KCNAB2: variants seen among roughly 807,000 people sequenced by gnomAD.
KCNAB2 encodes potassium voltage-gated channel subfamily A regulatory beta subunit 2, also known as voltage-gated potassium channel subunit beta-2.
Under a neutral mutation model 63.6 loss-of-function variants are expected in KCNAB2, and 29 were observed. The ratio of observed to expected loss-of-function variants is 0.46; its 90% CI spans 0.34 to 0.62. KCNAB2 has a LOEUF of 0.62. Ranked by LOEUF, KCNAB2 falls within the 20% of genes least tolerant of loss-of-function variation. KCNAB2 has a pLI of 0.01. For synonymous variants in KCNAB2, 222 were observed against 224.2 expected, an observed-to-expected ratio of 0.99 and a Z score of 0.09; for missense variants, 359 against 563.9, an observed-to-expected ratio of 0.64 and a Z score of 3.68.
intron 2 of KCNAB2, among the ~76,000 whole-genome samples, chr1:6,057,481 G>A (rs1222769193): frequency 2.2e-5 from 2 of 89,296 alleles, no homozygotes; most frequent in East Asian, 9.2e-4. Context: ...GCAGAGACCA[G>A]GGGGGATGGC....
At chr1:6,094,562 T>G in intron 11 of KCNAB2, 77 bp downstream of exon 11, 26 of 1,231,272 alleles carry the variant, frequency 2.1e-5, no homozygotes, top group Non-Finnish European at 2.9e-5. Context: ...CCCAAAGCTC[T>G]GGCGGGGTCT....
chr1:6,031,508 T>G (rs1391855668), upstream of KCNAB2, among the ~76,000 whole-genome samples: 1 of 152,238 alleles, frequency 6.6e-6, no homozygotes, highest in African/African-American at 2.4e-5. The surrounding 1 kb of genome is among the most constrained non-coding windows in gnomAD (Gnocchi z 4.1). Context: ...CCGGGAGTTT[T>G]GCTCCATTTA....
intron 2 of KCNAB2, among the ~76,000 whole-genome samples, chr1:6,063,537 G>A (rs1376904290): frequency 6.6e-6 from 1 of 151,726 alleles, no homozygotes; most frequent in African/African-American, 2.4e-5. Flanking sequence ...AGCCTCCCGA[G>A]TAGCTGGCAT....
In KCNAB2 at chr1:6,026,830, G is replaced by T. The variant is rs116172164; in HGVS notation, c.-52-13687G>T. 3.6e-3 allele frequency among the ~76,000 whole-genome samples: 554 copies of T among 152,260 alleles called. 4 individuals are homozygous for T. The highest frequency in any genetic ancestry group is 0.013 in the African/African-American group (526 of 41,552). The stretch of plus-strand genomic sequence containing the variant: ...GGCCACCTCTGTCCCTCTGCAGGGG[G>T]CAGGGCTGGCAGCTCCTGGGGAGAG... On this transcript the variant is annotated intron_variant, in intron 1 of 16. Coordinates refer to the KCNAB2 transcript ENST00000341524.
intron 1 of KCNAB2, among the ~76,000 whole-genome samples, chr1:6,022,027 A>G (rs1402531522): frequency 6.6e-6 from 1 of 151,964 alleles, no homozygotes; most frequent in Non-Finnish European, 1.5e-5. Context: ...TGTACAGTTC[A>G]GTGGTATTGA....
intron 2 of KCNAB2, among the ~76,000 whole-genome samples, chr1:6,063,187 TTTTTTA>T (rs1484965088): frequency 7.3e-5 from 11 of 151,572 alleles, no homozygotes; most frequent in African/African-American, 2.4e-5. Flanking sequence ...ACCTGGCTAA[TTTTTTA>T]TTTTTATTTT....
At position 6,071,698 on chromosome 1, in the gene KCNAB2, T is replaced by C. The variant is rs959303413; in HGVS notation, c.219-1057T>C. On this transcript the variant is annotated intron_variant, in intron 2 of 15. Transcript: ENST00000378083. The surrounding 1 kb of genome is among the most constrained non-coding windows in gnomAD (Gnocchi z 8.5). ...GTAGGGCTCTGCTGCGTAGGACTCC[T>C]GCCGCCGCATAGGGCTCTGCTGCGT... is the stretch of plus-strand genomic sequence containing the variant. 1.8e-4 allele frequency among the ~76,000 whole-genome samples: 27 copies of C among 151,692 alleles called. No homozygotes were observed. The highest frequency in any genetic ancestry group is 3.2e-4 in the Non-Finnish European group (22 of 67,836).
chr1:6,064,244 G>T (rs1472977592), intron 2 of KCNAB2, among the ~76,000 whole-genome samples: 1 of 152,216 alleles, frequency 6.6e-6, no homozygotes. Flanking sequence ...GATTCCGTAG[G>T]TCAGGGGGAT....
upstream of KCNAB2, chr1:6,041,975 A>G: frequency 3.8e-6 from 4 of 1,040,238 alleles, no homozygotes; most frequent in Admixed American, 3.5e-5. Context: ...GTATTCTCTG[A>G]AGCCAAAGCC....
rs574731256 is a variant in KCNAB2 at position 6,016,744 on chromosome 1, C to G, written c.-52-23773C>G. The stretch of plus-strand genomic sequence containing the variant: ...GGAGCATGGACACTAATACGTCCCA[C>G]TGGACTTCTGCGTGGGCCCCAGACA... On this transcript the variant is annotated intron_variant, in intron 1 of 16. Transcript: ENST00000341524. Among the ~76,000 whole-genome samples, 102 of 152,334 alleles carry G rather than the reference C, an allele frequency of 6.7e-4. 2 individuals carry two copies. In the South Asian group the frequency reaches 8.1e-3, roughly 12 times the overall value.
intron 1 of KCNAB2, among the ~76,000 whole-genome samples, chr1:6,007,877 C>T (rs1177505425): frequency 6.6e-6 from 1 of 152,230 alleles, no homozygotes; most frequent in African/African-American, 2.4e-5. Context: ...CCTTCTCTCC[C>T]TGGCACTGCA....
chr1:6,016,234 G>A (rs1405010552), intron 1 of KCNAB2, among the ~76,000 whole-genome samples: 1 of 152,120 alleles, frequency 6.6e-6, no homozygotes, highest in Non-Finnish European at 1.5e-5. Context: ...GGCCAAGCAG[G>A]GTCCCCCAGA....
At chr1:6,061,404 G>A (rs1662307911) in intron 2 of KCNAB2, among the ~76,000 whole-genome samples, 1 of 152,172 alleles carries the variant, frequency 6.6e-6, no homozygotes, top group East Asian at 1.9e-4. Context: ...ACCGGGCCGG[G>A]CGTGTCCCCA....
intron 1 of KCNAB2, among the ~76,000 whole-genome samples, chr1:6,014,333 C>A (rs1238671475): frequency 1.3e-5 from 2 of 152,220 alleles, no homozygotes; most frequent in Non-Finnish European, 2.9e-5. Context: ...AGGAGCAGGC[C>A]AGTTTCACGT....
At chr1:6,048,240 G>A (rs1422372389) in intron 1 of KCNAB2, among the ~76,000 whole-genome samples, 3 of 152,266 alleles carry the variant, frequency 2.0e-5, no homozygotes, top group East Asian at 1.9e-4. Context: ...GTTCCTTCCC[G>A]CCCTGCCTGC....
intron 1 of KCNAB2, among the ~76,000 whole-genome samples, chr1:6,001,558 C>T (rs949556507): frequency 2.0e-5 from 3 of 152,126 alleles, no homozygotes; most frequent in African/African-American, 4.8e-5. Flanking sequence ...GGCTGAGCCC[C>T]GTGATACACC....
intron 2 of KCNAB2, among the ~76,000 whole-genome samples, chr1:6,052,631 T>C (rs878975789): frequency 1.3e-5 from 2 of 152,166 alleles, no homozygotes; most frequent in Admixed American, 6.5e-5. Flanking sequence ...AGCGCTCTGC[T>C]AGCCACCGTT....
chr1:6,025,870 TCCCGGCACACAGCC>T (rs1659122972), intron 1 of KCNAB2: 1 of 133,236 alleles, frequency 7.5e-6, no homozygotes, highest in African/African-American at 2.8e-5. Flanking sequence ...ACACAGCCGA[TCCCGGCACACAGCC>T]GATCCCGGCA....
intron 2 of KCNAB2, among the ~76,000 whole-genome samples, chr1:6,060,362 G>A (rs972816918): frequency 6.6e-6 from 1 of 152,164 alleles, no homozygotes; most frequent in Admixed American, 6.5e-5. Flanking sequence ...GCCCCTATGG[G>A]GTCTTCAGCT....
Sources: allele counts gnomAD v4.1 joint callset (sites outside exome capture counted in the v4.1 genomes callset), GRCh38; gene constraint gnomAD v4.1.1; non-coding constraint Gnocchi (gnomAD v3.1); transcripts MANE v1.5; gene names NCBI Gene and HGNC (gene_info 2026-07-23, HGNC 2026-07-21).